Variants in UROS observed in about 807,000 individuals in gnomAD.
The protein encoded by UROS is uroporphyrinogen III synthase, also known as uroporphyrinogen-III synthase.
A neutral mutation model predicts 33.0 loss-of-function variants in UROS; 18 were observed. That is an observed-to-expected ratio of 0.55 (90% CI 0.38 to 0.81). The LOEUF is 0.81. UROS is among the 30% of genes least tolerant of loss of function. The probability of loss-of-function intolerance (pLI) is 0.00; values close to 1 mark genes in which losing one functional copy is unlikely to be tolerated. For missense variants in UROS, 293 were observed against 314.9 expected, an observed-to-expected ratio of 0.93 and a Z score of 0.53; for synonymous variants, 114 against 121.1, an observed-to-expected ratio of 0.94 and a Z score of 0.38.
chr10:125,816,335 C>T (rs568773859), intron 2 of UROS, 75 bp from the exon 3 acceptor site: 25 of 1,597,542 alleles, frequency 1.6e-5, no homozygotes, highest in South Asian at 1.5e-4. Context: ...ATTTATTCTG[C>T]GTCAGTTCCT....
chr10:125,821,888 T>C (rs1274730969), intron 1 of UROS, among the ~76,000 whole-genome samples: 2 of 152,130 alleles, frequency 1.3e-5, no homozygotes, highest in Non-Finnish European at 2.9e-5. Context: ...TTAATATCCA[T>C]GACATGGCTG....
chr10:125,801,487 T>G (rs1260870893), intron 6 of UROS, among the ~76,000 whole-genome samples: 1 of 152,242 alleles, frequency 6.6e-6, no homozygotes, highest in Non-Finnish European at 1.5e-5. Flanking sequence ...TAGCTATGAA[T>G]TGGCCTGTTT....
intron 7 of UROS, among the ~76,000 whole-genome samples, 184 bp from the exon 8 acceptor site, chr10:125,796,372 C>T (rs1362679486): frequency 6.6e-6 from 1 of 152,224 alleles, no homozygotes; most frequent in Non-Finnish European, 1.5e-5. Context: ...GCCTGCTAAA[C>T]GCTGTGGAGT....
chr10:125,814,929 A>G, intron 4 of UROS, 105 bp downstream of exon 4: 1 of 1,249,208 alleles, frequency 8.0e-7, no homozygotes, highest in East Asian at 2.5e-5. Flanking sequence ...ACCACTAAGC[A>G]CTCACTTCTC....
rs1232758756 is a variant in UROS, at chr10:125,802,389, A to G, written c.395-4244T>C. 7 of 985,778 alleles carry G rather than the reference A, an allele frequency of 7.1e-6. No individual in the cohort carries two copies. In the Admixed American group the frequency reaches 2.5e-4, roughly 35 times the overall value. The allele number at this position is 985,778 out of a possible 1,614,324, so 61.1% of individuals were successfully genotyped here. On this transcript the variant is annotated intron_variant, in intron 6 of 9. Transcript: ENST00000368797. ...AATAAAAGAGAGTCACTGCCTGTCT[A>G]GGCTGCTGTTAAAGAAAATGACCCC... is the stretch of plus-strand genomic sequence containing the variant.
chr10:125,822,470 GCAC>G (rs774950466), intron 1 of UROS, among the ~76,000 whole-genome samples: 1 of 152,018 alleles, frequency 6.6e-6, no homozygotes, highest in Non-Finnish European at 1.5e-5. Context: ...CTACAGGCGC[GCAC>G]CACCACACCT....
At chr10:125,786,778 G>A (rs1483293949), downstream of UROS, among the ~76,000 whole-genome samples, 1 of 152,186 alleles carries the variant, frequency 6.6e-6, no homozygotes, top group Non-Finnish European at 1.5e-5. Context: ...GAAGAAATGA[G>A]GTGTGACATC....
In UROS at chr10:125,819,418, G is replaced by A. The variant is rs149378144; in HGVS notation, c.-26-2893C>T. On this transcript the variant is annotated intron_variant, in intron 1 of 9. Transcript: ENST00000368797. ...TGCAGGTGTCTACTGATTTGCCACT[G>A]GTAACATATTTGGTGCCACGTGACT... is the stretch of plus-strand genomic sequence containing the variant. 8.8e-3 allele frequency among the ~76,000 whole-genome samples: 1,345 copies of A among 152,232 alleles called. 14 individuals are homozygous for A. The highest frequency in any genetic ancestry group is 0.011 in the South Asian group (53 of 4,816).
intron 1 of UROS, among the ~76,000 whole-genome samples, chr10:125,816,899 G>C (rs2133952170): frequency 6.6e-6 from 1 of 152,304 alleles, no homozygotes; most frequent in East Asian, 1.9e-4. Flanking sequence ...TCCATTTCAA[G>C]ATAAATATGC....
At chr10:125,810,184 C>T (rs556625360) in intron 5 of UROS, among the ~76,000 whole-genome samples, 40 of 152,264 alleles carry the variant, frequency 2.6e-4, no homozygotes, top group African/African-American at 9.4e-4. Context: ...GTCATCCCTC[C>T]GCTTGAGTGT....
chr10:125,794,564 G>C (rs1851189007), intron 9 of UROS, among the ~76,000 whole-genome samples: 1 of 152,208 alleles, frequency 6.6e-6, no homozygotes, highest in Admixed American at 6.5e-5. Context: ...CCTGTACCAA[G>C]CCCTGAGCTA....
At chr10:125,802,295 G>C (rs2133868756) in intron 6 of UROS, 2 of 985,910 alleles carry the variant, frequency 2.0e-6, no homozygotes, top group African/African-American at 1.7e-5. Context: ...GGCCCAACCA[G>C]TGCTCTCTGA....
downstream of UROS, among the ~76,000 whole-genome samples, chr10:125,788,019 C>T (rs1426786256): frequency 6.6e-6 from 1 of 152,162 alleles, no homozygotes; most frequent in African/African-American, 2.4e-5. Flanking sequence ...TAGGAATGTC[C>T]ACTCCTCAGG....
downstream of UROS, chr10:125,788,573 TAC>T: frequency 7.4e-7 from 1 of 1,344,238 alleles, no homozygotes; most frequent in Non-Finnish European, 9.6e-7. Flanking sequence ...ACAGCAACCA[TAC>T]ACTCAGTAAG....
At chr10:125,805,982 C>T (rs541789229) in intron 6 of UROS, among the ~76,000 whole-genome samples, 2 of 152,316 alleles carry the variant, frequency 1.3e-5, no homozygotes, top group African/African-American at 2.4e-5. Context: ...TGCTCACTGC[C>T]GCCCCCAACC....
chr10:125,822,311 C>A (rs1320643233), intron 1 of UROS, among the ~76,000 whole-genome samples: 1 of 141,878 alleles, frequency 7.0e-6, no homozygotes, highest in East Asian at 2.0e-4. Flanking sequence ...CCCCACTGGC[C>A]CCGAAGCATT....
intron 1 of UROS, among the ~76,000 whole-genome samples, chr10:125,819,582 C>T (rs1474591582): frequency 6.6e-6 from 1 of 152,098 alleles, no homozygotes; most frequent in Non-Finnish European, 1.5e-5. Flanking sequence ...TGACTCTGCT[C>T]TCTGCCAGTT....
At chr10:125,789,257 C>A in intron 9 of UROS, 7 of 1,416,310 alleles carry the variant, frequency 4.9e-6, no homozygotes, top group Non-Finnish European at 6.4e-6. Flanking sequence ...GGGGCAGGGA[C>A]TTGAAGGCCC....
chr10:125,812,433 ATTCCATT>A, intron 4 of UROS, 145 bp from the exon 5 acceptor site: 1 of 736,876 alleles, frequency 1.4e-6, no homozygotes, highest in Non-Finnish European at 2.3e-6. Context: ...TCAAACTAAA[ATTCCATT>A]TTCACTTTGT....
Sources: gnomAD v4.1 joint callset for allele counts (sites outside exome capture counted in the v4.1 genomes callset) on GRCh38, gnomAD v4.1.1 for gene constraint, MANE v1.5 for transcripts, NCBI Gene and HGNC (gene_info 2026-07-23, HGNC 2026-07-21) for gene names.